MALT1: variants seen among roughly 807,000 people sequenced by gnomAD.
The protein encoded by MALT1 is MALT1 paracaspase, also known as mucosa-associated lymphoid tissue lymphoma translocation protein 1.
A neutral mutation model predicts 85.5 loss-of-function variants in MALT1; 36 were observed. The observed-to-expected ratio is 0.42, with a 90% CI of 0.32 to 0.56. The LOEUF (loss-of-function observed/expected upper bound fraction) is 0.56. Ranked by LOEUF, MALT1 falls within the 20% of genes least tolerant of loss-of-function variation. The pLI, the probability that MALT1 is intolerant of heterozygous loss-of-function variation, is 0.10. For missense variants in MALT1, 716 were observed against 981.6 expected (o/e 0.73, Z 3.62); for synonymous variants, 359 against 361.3 (o/e 0.99, Z 0.07).
At chr18:58,701,201 C>T (rs2144363582) in intron 4 of MALT1, among the ~76,000 whole-genome samples, 1 of 152,156 alleles carries the variant, frequency 6.6e-6, no homozygotes, top group East Asian at 1.9e-4. Flanking sequence ...TCAGTCTGGT[C>T]GCTGCCACTG....
At chr18:58,745,524 T>C in intron 15 of MALT1, 142 bp from the exon 16 acceptor site, 1 of 626,454 alleles carries the variant, frequency 1.6e-6, no homozygotes, top group Non-Finnish European at 2.8e-6. Context: ...TGTTTAGTCC[T>C]GGATAATTTT....
chr18:58,705,289 CGTGT>C lies in MALT1; in HGVS notation c.650-4058_650-4055del, dbSNP rs59890170. Among the ~76,000 whole-genome samples, 1,393 of 147,084 alleles carry C rather than the reference CGTGT, an allele frequency of 9.5e-3. 21 individuals carry two copies. Among genetic ancestry groups the C allele is most frequent in the African/African-American group, 0.03 (1,206 of 39,542 alleles). ...ACTTTTGAGCAATCTTGTAAAAGTA[CGTGT>C]GTGTGTGTGTGTGTGTGTGTGTGTG... On this transcript the variant is annotated intron_variant, in intron 4 of 16. Coordinates refer to ENST00000649217, the MANE Select transcript of MALT1 (RefSeq NM_006785.4).
chr18:58,716,246 A>G (rs1358910855), intron 9 of MALT1, among the ~76,000 whole-genome samples: 6 of 152,242 alleles, frequency 3.9e-5, no homozygotes, highest in Admixed American at 3.9e-4. Flanking sequence ...TACATGCTGC[A>G]TAGTTAGCAT....
intron 10 of MALT1, among the ~76,000 whole-genome samples, chr18:58,729,485 GTC>G: frequency 1.2e-5 from 1 of 81,970 alleles, no homozygotes; most frequent in Admixed American, 1.7e-4. Flanking sequence ...GTGAAACTCC[GTC>G]TCAAAAAAAA....
At chr18:58,732,725 G>A (rs1296222912) in intron 10 of MALT1, among the ~76,000 whole-genome samples, 2 of 146,880 alleles carry the variant, frequency 1.4e-5, no homozygotes, top group Non-Finnish European at 2.9e-5. Context: ...CTAGCTTCAT[G>A]GAGGAGACAA....
Position 58,692,445 on chromosome 18 carries a change from C to CTCTCTCTCTCTCTCT in MALT1, c.377-3921_377-3920insTCTCTCTCTCTCTCT, listed in dbSNP as rs1568129469. Among the ~76,000 whole-genome samples, 115 of 28,416 alleles carry CTCTCTCTCTCTCTCT rather than the reference C, an allele frequency of 4.0e-3. 6 individuals are homozygous for CTCTCTCTCTCTCTCT. Among genetic ancestry groups the CTCTCTCTCTCTCTCT allele is most frequent in the East Asian group, 0.021 (32 of 1,492 alleles). The allele number at this position is 28,416 out of a possible 152,430, so 18.6% of individuals were successfully genotyped here. On this transcript the variant is annotated intron_variant, in intron 2 of 16. Transcript: ENST00000649217. ...CTCTCTCTCTCTCTCTCACTCTCTC[C>CTCTCTCTCTCTCTCT]CTCCCTCCCTCCCTCCCTCCCTGTC...
chr18:58,688,428 G>T (rs939777648), intron 2 of MALT1, among the ~76,000 whole-genome samples: 1 of 148,474 alleles, frequency 6.7e-6, no homozygotes. Flanking sequence ...TGGCTCACAC[G>T]TGTAATCCCA....
intron 12 of MALT1, 128 bp from the exon 13 acceptor site, chr18:58,735,074 C>G: frequency 2.9e-6 from 2 of 697,520 alleles, no homozygotes. Flanking sequence ...CACCCCCCCC[C>G]AGCCTCTGGT....
At chr18:58,671,930 G>A in intron 1 of MALT1, 78 bp downstream of exon 1, 1 of 1,036,446 alleles carries the variant, frequency 9.6e-7, no homozygotes, top group Non-Finnish European at 1.2e-6. Flanking sequence ...GGCGCTGTCG[G>A]TGGGGCTGAG....
rs372065586 is a variant in MALT1 at position 58,748,014 on chromosome 18, T to TA, written c.*173dup. The TA allele has an allele frequency of 4.4e-5, 26 of 591,282 alleles. 1 individual carries two copies. Among genetic ancestry groups the TA allele is most frequent in the East Asian group, 1.7e-4 (6 of 35,310 alleles). 36.6% of individuals were successfully genotyped at this position (591,282 alleles called of 1,614,324 possible). A position where few individuals can be genotyped will look rare whatever the true frequency, so the allele number is the denominator to read the frequency against. ...AGATGTTGAAATTACATTATTTAATTACAGACTTCCTCTTTCTAAGATTTT... is the reference window on the plus strand; with the variant it reads ...AGATGTTGAAATTACATTATTTAATTAACAGACTTCCTCTTTCTAAGATTTT... On this transcript the variant is annotated 3_prime_UTR_variant, in exon 17 of 17. Transcript: ENST00000649217.
chr18:58,737,307 C>CCCCA (rs1488486921), intron 13 of MALT1, among the ~76,000 whole-genome samples: 1 of 152,006 alleles, frequency 6.6e-6, no homozygotes, highest in East Asian at 1.9e-4. Context: ...TTGTCAGACC[C>CCCCA]CCCATCTCTA....
intron 2 of MALT1, among the ~76,000 whole-genome samples, chr18:58,692,702 G>C (rs1179074795): frequency 6.6e-6 from 1 of 152,192 alleles, no homozygotes; most frequent in African/African-American, 2.4e-5. Context: ...TCAAAAGCTA[G>C]AATTGATTTT....
At chr18:58,739,158 A>G (rs1027574755) in intron 13 of MALT1, among the ~76,000 whole-genome samples, 29 of 152,192 alleles carry the variant, frequency 1.9e-4, no homozygotes, top group African/African-American at 5.3e-4. Context: ...CATTAATCCA[A>G]CTTGAGATAA....
intron 10 of MALT1, among the ~76,000 whole-genome samples, chr18:58,729,497 A>G (rs1315301622): frequency 7.0e-6 from 1 of 143,818 alleles, no homozygotes; most frequent in Non-Finnish European, 1.5e-5. Flanking sequence ...CTCAAAAAAA[A>G]AAAAAAAAGA....
chr18:58,714,082 G>A lies in MALT1; in HGVS notation c.959-1G>A, dbSNP rs1386169390. 4.9e-6 allele frequency: 6 copies of A among 1,236,464 alleles called. No individual in the cohort carries two copies. In the South Asian group the frequency reaches 7.5e-5, roughly 15 times the overall value. The allele number at this position is 1,236,464 out of a possible 1,614,324, so 76.6% of individuals were successfully genotyped here. A position where few individuals can be genotyped will look rare whatever the true frequency, so the allele number is the denominator to read the frequency against. On this transcript the variant is annotated splice_acceptor_variant, in intron 7 of 16. Transcript: ENST00000649217. LOFTEE classifies it high-confidence loss of function. Reference sequence around the variant, plus strand: ...ATCTATTTTCTCTTACTTTGTTTTAGATGAATTAAATAATCTTGGTCATCC... The same window carrying A: ...ATCTATTTTCTCTTACTTTGTTTTAAATGAATTAAATAATCTTGGTCATCC...
intron 8 of MALT1, 91 bp from the exon 9 acceptor site, chr18:58,715,844 G>A (rs926237688): frequency 1.2e-6 from 1 of 830,514 alleles, no homozygotes; most frequent in African/African-American, 1.7e-5. Flanking sequence ...TTCTGTAAGT[G>A]ATGCTGCTGA....
chr18:58,701,460 C>T (rs969160154), intron 4 of MALT1, among the ~76,000 whole-genome samples: 2 of 152,176 alleles, frequency 1.3e-5, no homozygotes, highest in Admixed American at 6.5e-5. Flanking sequence ...TTATAGAACT[C>T]GTTGCATTGA....
chr18:58,730,087 C>T (rs1049235473), intron 10 of MALT1, among the ~76,000 whole-genome samples: 7 of 152,144 alleles, frequency 4.6e-5, no homozygotes, highest in African/African-American at 1.2e-4. Flanking sequence ...AAGTTGTGGA[C>T]GTTAAAAATA....
Position 58,709,520 on chromosome 18 carries a change from A to G in MALT1, c.792A>G (p.Glu264=), listed in dbSNP as rs1351916034. The G allele has an allele frequency of 5.3e-5, 86 of 1,612,204 alleles. No homozygotes were observed. The highest frequency in any genetic ancestry group is 7.2e-5 in the Non-Finnish European group (85 of 1,179,432). Residue 264 remains glutamate, a synonymous_variant, in exon 5 of 17, where the codon GAA becomes GAG. Coordinates refer to ENST00000649217, the MANE Select transcript of MALT1 (RefSeq NM_006785.4). The stretch of plus-strand genomic sequence containing the variant: ...CTCACTACCAGTGGTTCAAAAATGA[A>G]TTACCATTAACACATGAGACCAAAA... ...PIPHYQWFKN[E]LPLTHETKKL...
Sources: gnomAD v4.1 joint callset for allele counts (sites outside exome capture counted in the v4.1 genomes callset) on GRCh38, gnomAD v4.1.1 for gene constraint, MANE v1.5 for transcripts, NCBI Gene and HGNC (gene_info 2026-07-23, HGNC 2026-07-21) for gene names.